Variants in PTPN3 observed in about 807,000 individuals in gnomAD.
PTPN3 encodes protein tyrosine phosphatase non-receptor type 3, also known as tyrosine-protein phosphatase non-receptor type 3.
Under a neutral mutation model 132.7 loss-of-function variants are expected in PTPN3, and 96 were observed. That is an observed-to-expected ratio of 0.72 (90% CI 0.61 to 0.86). PTPN3 has a LOEUF of 0.86. Ranked by LOEUF, PTPN3 falls within the 40% of genes least tolerant of loss-of-function variation. PTPN3 has a pLI of 0.00. For synonymous variants in PTPN3, 398 were observed against 429.0 expected (o/e 0.93, Z 0.89); for missense variants, 1,125 against 1,159.6 (o/e 0.97, Z 0.43).
rs532157700 is a variant in PTPN3 at position 109,413,095 on chromosome 9, G to A, written c.1314-2680C>T. On this transcript the variant is annotated intron_variant, in intron 14 of 25. Coordinates refer to ENST00000374541, the MANE Select transcript of PTPN3 (RefSeq NM_002829.4). ...CATGTAGCTGGGACTACAAGCACCTGCCACCAATGCCTGGCTAATTTTTTT... is the reference window on the plus strand; with the variant it reads ...CATGTAGCTGGGACTACAAGCACCTACCACCAATGCCTGGCTAATTTTTTT... Among the ~76,000 whole-genome samples the A allele has an allele frequency of 2.0e-5, 3 of 151,686 alleles. No individual in the cohort carries two copies. The South Asian group carries it at 6.3e-4, about 32-fold the overall frequency.
At chr9:109,524,084 A>G in the PTPN3 span, among the ~76,000 whole-genome samples, 31 of 152,200 alleles carry the variant, frequency 2.0e-4, no homozygotes, top group African/African-American at 7.5e-4. Flanking sequence ...TTGTTTCTAC[A>G]AAAAATAAAA....
At position 109,383,423 on chromosome 9, in the gene PTPN3, C is replaced by G. The variant is rs1431289892; in HGVS notation, c.2382G>C (p.Gln794His). Reference protein sequence around the residue: ...VSREMLVTNTQTGEEHTVTHL... With the variant: ...VSREMLVTNTHTGEEHTVTHL... ...CCGTGCCCCTCAGGCTGCGGCTCAC[C>G]TGGGTGTTTGTGACCAGCATTTCTC... is the stretch of plus-strand genomic sequence containing the variant. The change falls in exon 23 of 26, where the codon CAG becomes CAC. Residue 794 changes from glutamine (Q) to histidine (H), a missense_variant and splice_region_variant. Coordinates refer to ENST00000374541, the MANE Select transcript of PTPN3 (RefSeq NM_002829.4). The G allele has an allele frequency of 6.2e-7, 1 of 1,614,124 alleles. No individual in the cohort carries two copies. Among genetic ancestry groups the G allele is most frequent in the Admixed American group, 1.7e-5 (1 of 60,014 alleles).
At chr9:109,532,727 G>A in the PTPN3 span, 1 of 292,286 alleles carries the variant, frequency 3.4e-6, no homozygotes, top group East Asian at 7.7e-5. Context: ...AAGCACTTAA[G>A]GTCTTCAGCT....
intron 7 of PTPN3, among the ~76,000 whole-genome samples, chr9:109,439,234 A>G (rs935978385): frequency 2.0e-5 from 3 of 152,202 alleles, no homozygotes; most frequent in African/African-American, 7.2e-5. Context: ...GGACCTGAGG[A>G]CATCCATTTC....
At chr9:109,445,003 T>G (rs1166538583) in intron 7 of PTPN3, among the ~76,000 whole-genome samples, 1 of 152,200 alleles carries the variant, frequency 6.6e-6, no homozygotes, top group South Asian at 2.1e-4. Context: ...TTGGAGAAAA[T>G]TTCACACCAC....
intron 16 of PTPN3, among the ~76,000 whole-genome samples, 153 bp from the exon 17 acceptor site, chr9:109,408,530 A>T (rs116983672): frequency 5.7e-4 from 87 of 152,252 alleles, no homozygotes; most frequent in Non-Finnish European, 1.1e-3. Context: ...ACTATGACTG[A>T]TTCGAATCAC....
At chr9:109,418,886 G>A (rs958775751) in intron 14 of PTPN3, among the ~76,000 whole-genome samples, 1 of 152,252 alleles carries the variant, frequency 6.6e-6, no homozygotes, top group Non-Finnish European at 1.5e-5. Context: ...CGCAGCAGGT[G>A]TGAGTGGGCT....
At chr9:109,521,717 C>T in the PTPN3 span, among the ~76,000 whole-genome samples, 3 of 152,230 alleles carry the variant, frequency 2.0e-5, no homozygotes, top group Admixed American at 6.5e-5. Context: ...AGTTGTCTTT[C>T]CCACTAGACT....
chr9:109,383,397 A>G (rs1324739773), intron 23 of PTPN3, 26 bp downstream of exon 23: 1 of 1,613,678 alleles, frequency 6.2e-7, no homozygotes, highest in South Asian at 1.1e-5. Flanking sequence ...CTGCCCCTCC[A>G]CCGTGCCCCT....
chr9:109,391,872 G>GGT (rs1388776631), intron 19 of PTPN3, among the ~76,000 whole-genome samples: 1 of 89,484 alleles, frequency 1.1e-5, no homozygotes, highest in Non-Finnish European at 2.4e-5. Context: ...ACTAGATGTG[G>GGT]GGGGGGGGGG....
chr9:109,465,706 C>CAAAAAAAAAAAAAAAAAA (rs34634972), intron 1 of PTPN3, among the ~76,000 whole-genome samples: 1 of 64,830 alleles, frequency 1.5e-5, no homozygotes, highest in Non-Finnish European at 2.8e-5. Context: ...AACTCTGTCT[C>CAAAAAAAAAAAAAAAAAA]AAAAAAAAAA....
At chr9:109,385,514 G>A (rs1030484184) in intron 22 of PTPN3, among the ~76,000 whole-genome samples, 1 of 152,140 alleles carries the variant, frequency 6.6e-6, no homozygotes, top group Non-Finnish European at 1.5e-5. Flanking sequence ...TTGCATATGA[G>A]TAAACTGAGG....
intron 19 of PTPN3, among the ~76,000 whole-genome samples, chr9:109,396,824 T>C (rs1311718339): frequency 6.6e-6 from 1 of 152,170 alleles, no homozygotes; most frequent in Non-Finnish European, 1.5e-5. Flanking sequence ...ATATTTCTTC[T>C]TAGAACAAGT....
chr9:109,419,811 G>C (rs961078549), intron 14 of PTPN3, among the ~76,000 whole-genome samples: 3 of 152,036 alleles, frequency 2.0e-5, no homozygotes, highest in African/African-American at 7.3e-5. Context: ...CATCTTTCAG[G>C]ACAGACATTT....
At chr9:109,421,970 T>C (rs548037054) in intron 13 of PTPN3, among the ~76,000 whole-genome samples, 1 of 152,366 alleles carries the variant, frequency 6.6e-6, no homozygotes, top group South Asian at 2.1e-4. Context: ...TTCACAAAAA[T>C]GGTGTGATGT....
chr9:109,510,802 A>G, the PTPN3 span, among the ~76,000 whole-genome samples: 1 of 151,508 alleles, frequency 6.6e-6, no homozygotes, highest in Non-Finnish European at 1.5e-5. Flanking sequence ...AAAGAGTGTA[A>G]GACAGAAAGC....
At chr9:109,460,498 C>T (rs1212068917) in intron 2 of PTPN3, among the ~76,000 whole-genome samples, 1 of 152,118 alleles carries the variant, frequency 6.6e-6, no homozygotes, top group African/African-American at 2.4e-5. Context: ...CCCCTTACCC[C>T]TGTTATCTCT....
At chr9:109,505,781 G>A in the PTPN3 span, among the ~76,000 whole-genome samples, 2 of 150,366 alleles carry the variant, frequency 1.3e-5, no homozygotes, top group Non-Finnish European at 1.5e-5. Context: ...ACAGAATCTC[G>A]CTCTGTGGCC....
chr9:109,459,487 C>T (rs1285767115), intron 2 of PTPN3, among the ~76,000 whole-genome samples: 4 of 152,202 alleles, frequency 2.6e-5, no homozygotes, highest in African/African-American at 9.7e-5. Context: ...GTGGCAGCCA[C>T]GTGATAAGAA....
Sources: allele counts gnomAD v4.1 joint callset (sites outside exome capture counted in the v4.1 genomes callset), GRCh38; gene constraint gnomAD v4.1.1; transcripts MANE v1.5; gene names NCBI Gene and HGNC (gene_info 2026-07-23, HGNC 2026-07-21).